Variants in KSR1 observed in about 807,000 individuals in gnomAD.
The protein encoded by KSR1 is kinase suppressor of ras.
KSR1 carries 35 observed loss-of-function variants against 92.9 expected under a neutral mutation model. The observed-to-expected ratio is 0.38, with a 90% CI of 0.29 to 0.50. KSR1 has a LOEUF of 0.50. KSR1 is among the 20% of genes least tolerant of loss of function. The pLI is 0.94. For missense variants in KSR1, 972 were observed against 1,158.5 expected (o/e 0.84, Z 2.34); for synonymous variants, 467 against 472.6 (o/e 0.99, Z 0.15).
intron 1 of KSR1, among the ~76,000 whole-genome samples, chr17:27,469,621 G>T (rs912800076): frequency 2.0e-5 from 3 of 152,146 alleles, no homozygotes; most frequent in Non-Finnish European, 2.9e-5. Context: ...GTTAATTTTG[G>T]ATTCTTTTGA....
At chr17:27,471,472 C>T (rs538078413) in intron 1 of KSR1, among the ~76,000 whole-genome samples, 18 of 152,108 alleles carry the variant, frequency 1.2e-4, no homozygotes, top group East Asian at 1.2e-3. Flanking sequence ...GGAGTGTTCC[C>T]GGCAGAGGGA....
chr17:27,536,530 T>G (rs1048321114), intron 1 of KSR1, among the ~76,000 whole-genome samples: 2 of 152,246 alleles, frequency 1.3e-5, no homozygotes, highest in Non-Finnish European at 2.9e-5. Flanking sequence ...GTCCTCCTTA[T>G]GGTTTCCAGA....
chr17:27,531,506 A>G (rs1245144710), intron 1 of KSR1, among the ~76,000 whole-genome samples: 3 of 152,062 alleles, frequency 2.0e-5, no homozygotes, highest in Admixed American at 2.0e-4. Context: ...CTGGTCCCAC[A>G]CTCGGATCCG....
At chr17:27,557,435 A>C (rs1015179408) in intron 2 of KSR1, among the ~76,000 whole-genome samples, 1 of 152,124 alleles carries the variant, frequency 6.6e-6, no homozygotes, top group African/African-American at 2.4e-5. Context: ...GCTGGTGCCC[A>C]CTGTGGTGGG....
intron 6 of KSR1, among the ~76,000 whole-genome samples, chr17:27,588,752 C>T (rs2073064021): frequency 6.6e-6 from 1 of 152,224 alleles, no homozygotes; most frequent in Non-Finnish European, 1.5e-5. Flanking sequence ...CCTCGGGTCT[C>T]TTCCTCACTC....
intron 7 of KSR1, among the ~76,000 whole-genome samples, chr17:27,591,543 T>C (rs570541477): frequency 6.6e-6 from 1 of 152,328 alleles, no homozygotes; most frequent in South Asian, 2.1e-4. Flanking sequence ...TGGGGATGGC[T>C]CTGAGAACCT....
rs376848571 is a variant in KSR1 at position 27,607,962 on chromosome 17, G to A, written c.2043G>A (p.Thr681=). ...ACTCGTTTGTGAGGGACCCCAAGACGTCTCTGGACATCAACAAGACGAGGC... is the reference window on the plus strand; with the variant it reads ...ACTCGTTTGTGAGGGACCCCAAGACATCTCTGGACATCAACAAGACGAGGC... ...TLHSFVRDPK[T]SLDINKTRQI... The change falls in exon 15 of 21, where the codon ACG becomes ACA. Residue 681 remains threonine (T), a synonymous_variant. Transcript: ENST00000644974. The A allele has an allele frequency of 9.2e-5, 149 of 1,611,098 alleles. No individual in the cohort carries two copies. The highest frequency in any genetic ancestry group is 7.5e-4 in the African/African-American group (56 of 75,006).
At chr17:27,572,245 G>A (rs969745159) in intron 2 of KSR1, among the ~76,000 whole-genome samples, 1 of 152,230 alleles carries the variant, frequency 6.6e-6, no homozygotes, top group Admixed American at 6.5e-5. Flanking sequence ...GAGGCAGGGA[G>A]CCAATGATCT....
In KSR1 at chr17:27,520,892, G is replaced by A. The variant is rs567194430; in HGVS notation, c.232-29676G>A. ...GCGGGAGACGTGTGATTCCCTGTTT[G>A]CCAGTTGGCCTAACTGGAATCTTCC... On this transcript the variant is annotated intron_variant, in intron 1 of 20. Coordinates refer to ENST00000644974, the MANE Select transcript of KSR1 (RefSeq NM_001394583.1). Among the ~76,000 whole-genome samples, 6 of 152,366 alleles carry A rather than the reference G, an allele frequency of 3.9e-5. No homozygotes were observed. In the East Asian group the frequency reaches 9.6e-4, roughly 24 times the overall value.
At chr17:27,494,596 C>T (rs1356484394) in intron 1 of KSR1, among the ~76,000 whole-genome samples, 1 of 152,048 alleles carries the variant, frequency 6.6e-6, no homozygotes, top group African/African-American at 2.4e-5. Flanking sequence ...ATAGAGGGAC[C>T]GATATTAGGG....
intron 1 of KSR1, among the ~76,000 whole-genome samples, chr17:27,530,973 C>T (rs1384379312): frequency 6.6e-6 from 1 of 152,250 alleles, no homozygotes; most frequent in Non-Finnish European, 1.5e-5. Context: ...TTACCATCAC[C>T]TCCTTAGCTG....
At chr17:27,479,854 G>T (rs2068460194) in intron 1 of KSR1, among the ~76,000 whole-genome samples, 1 of 152,164 alleles carries the variant, frequency 6.6e-6, no homozygotes, top group Non-Finnish European at 1.5e-5. Flanking sequence ...ACAGAGGGGT[G>T]GCGGCACCAC....
intron 2 of KSR1, among the ~76,000 whole-genome samples, chr17:27,571,019 G>A (rs1439804657): frequency 2.0e-5 from 3 of 152,222 alleles, no homozygotes; most frequent in Non-Finnish European, 4.4e-5. Context: ...GAGGGGCGGG[G>A]ACTTGTCCGA....
chr17:27,524,136 G>A (rs894424544), intron 1 of KSR1, among the ~76,000 whole-genome samples: 5 of 152,076 alleles, frequency 3.3e-5, no homozygotes, highest in East Asian at 1.9e-4. Context: ...AGGCATAAGC[G>A]TGTAGGTGAT....
At chr17:27,585,348 C>G (rs2072925355) in intron 4 of KSR1, among the ~76,000 whole-genome samples, 2 of 152,140 alleles carry the variant, frequency 1.3e-5, no homozygotes, top group African/African-American at 4.8e-5. Flanking sequence ...GTGAAATGGG[C>G]TGAACTCTAA....
chr17:27,586,370 A>G (rs1598088019), intron 5 of KSR1, among the ~76,000 whole-genome samples: 3 of 152,174 alleles, frequency 2.0e-5, no homozygotes, highest in African/African-American at 7.2e-5. Context: ...GCCTGAGCAA[A>G]ATAGGAGTTT....
intron 1 of KSR1, among the ~76,000 whole-genome samples, chr17:27,508,972 C>T (rs925468080): frequency 7.2e-5 from 11 of 152,068 alleles, no homozygotes; most frequent in Middle Eastern, 6.8e-3. Context: ...CTCAGGTGAT[C>T]CACCCACCTT....
At chr17:27,480,890 G>A (rs2068490923) in intron 1 of KSR1, among the ~76,000 whole-genome samples, 1 of 152,286 alleles carries the variant, frequency 6.6e-6, no homozygotes, top group Non-Finnish European at 1.5e-5. Context: ...CTCCTTAGTC[G>A]CATGCGTGTG....
At chr17:27,487,586 T>A (rs1393327840) in intron 1 of KSR1, among the ~76,000 whole-genome samples, 399 of 145,984 alleles carry the variant, frequency 2.7e-3, no homozygotes, top group East Asian at 5.7e-3. Context: ...CCATCTCTTT[T>A]AAAAAAAAAA....
Sources: allele counts gnomAD v4.1 joint callset (sites outside exome capture counted in the v4.1 genomes callset), GRCh38; gene constraint gnomAD v4.1.1; transcripts MANE v1.5; gene names NCBI Gene and HGNC (gene_info 2026-07-23, HGNC 2026-07-21).